Variants in ASCC3 observed in about 807,000 individuals in gnomAD.
ASCC3 encodes the protein activating signal cointegrator 1 complex subunit 3.
A neutral mutation model predicts 256.3 loss-of-function variants in ASCC3; 158 were observed. The ratio of observed to expected loss-of-function variants is 0.62; its 90% confidence interval spans 0.54 to 0.70. The LOEUF (loss-of-function observed/expected upper bound fraction) is 0.70. ASCC3 is among the 30% of genes least tolerant of loss of function. The pLI, the probability that ASCC3 is intolerant of heterozygous loss-of-function variation, is 0.00. For synonymous variants in ASCC3, 948 were observed against 883.4 expected (o/e 1.07, Z -1.30); for missense variants, 2,259 against 2,626.0 (o/e 0.86, Z 3.05).
intron 36 of ASCC3, among the ~76,000 whole-genome samples, chr6:100,552,657 A>T (rs1769357480): frequency 6.6e-6 from 1 of 151,984 alleles, no homozygotes; most frequent in Non-Finnish European, 1.5e-5. Flanking sequence ...TTTCCAGTGC[A>T]CCTCAGTGGA....
intron 11 of ASCC3, among the ~76,000 whole-genome samples, chr6:100,723,902 A>ATATATATATATATAT (rs1233478212): frequency 7.9e-6 from 1 of 126,732 alleles, no homozygotes; most frequent in African/African-American, 2.9e-5. Flanking sequence ...ATATATTTAT[A>ATATATATATATATAT]ATTATATATA....
chr6:100,622,047 A>G (rs936663769), intron 30 of ASCC3, among the ~76,000 whole-genome samples: 1 of 152,092 alleles, frequency 6.6e-6, no homozygotes, highest in Non-Finnish European at 1.5e-5. Context: ...ATGAGAACAC[A>G]TGGACATACG....
At chr6:100,806,396 C>T (rs1269784401) in intron 4 of ASCC3, among the ~76,000 whole-genome samples, 1 of 151,940 alleles carries the variant, frequency 6.6e-6, no homozygotes, top group Non-Finnish European at 1.5e-5. Flanking sequence ...AAGTGCTTTA[C>T]ATAACTTTAT....
In ASCC3 at chr6:100,577,818, C is replaced by T. The variant is rs533841031; in HGVS notation, c.5550+11816G>A. 2.5e-4 allele frequency among the ~76,000 whole-genome samples: 38 copies of T among 151,936 alleles called. 1 individual carries two copies. The highest frequency in any genetic ancestry group is 7.9e-4 in the Admixed American group (12 of 15,220). On this transcript the variant is annotated intron_variant, in intron 36 of 41. Transcript: ENST00000369162. ...AATGTTCATTCTTCTGTATCTTGCC[C>T]TTAGAAAGTGCCTTACACATTGTAG...
At chr6:100,786,220 C>G (rs1158222849) in intron 8 of ASCC3, among the ~76,000 whole-genome samples, 1 of 152,140 alleles carries the variant, frequency 6.6e-6, no homozygotes, top group Non-Finnish European at 1.5e-5. Flanking sequence ...TGTCAGATGT[C>G]ATTCTGAAAC....
At chr6:100,698,739 A>T (rs1485523163) in intron 13 of ASCC3, among the ~76,000 whole-genome samples, 2 of 152,152 alleles carry the variant, frequency 1.3e-5, no homozygotes, top group Non-Finnish European at 2.9e-5. Context: ...AGAGGGAAAA[A>T]AATCCTTAAG....
chr6:100,654,209 A>G (rs576267066), intron 17 of ASCC3, among the ~76,000 whole-genome samples: 62 of 151,966 alleles, frequency 4.1e-4, no homozygotes, highest in Non-Finnish European at 6.5e-4. Flanking sequence ...TTACTAAACC[A>G]TCAAAAATAT....
intron 34 of ASCC3, among the ~76,000 whole-genome samples, chr6:100,591,826 T>C (rs1414166280): frequency 6.6e-6 from 1 of 152,020 alleles, no homozygotes; most frequent in Non-Finnish European, 1.5e-5. Flanking sequence ...TATATATAAC[T>C]GGGATGTCAA....
At chr6:100,753,302 T>C (rs1384210993) in intron 10 of ASCC3, among the ~76,000 whole-genome samples, 1 of 22,572 alleles carries the variant, frequency 4.4e-5, no homozygotes, top group African/African-American at 7.5e-5. Context: ...AAATATTCAA[T>C]AGCAAAACAA....
In ASCC3 at chr6:100,840,095, T is replaced by C; in HGVS notation, c.801+8053A>G. ...AAAAATAGTAATGAATAACCTAAAA[T>C]AGCAGACAATGTGGAAGTGAAAAGA... On this transcript the variant is annotated intron_variant, in intron 4 of 41. Transcript: ENST00000369162. Among the ~76,000 whole-genome samples the C allele has an allele frequency of 1.3e-5, 2 of 152,120 alleles. 1 individual carries two copies. The highest frequency in any genetic ancestry group is 2.9e-5 in the Non-Finnish European group (2 of 68,004).
intron 21 of ASCC3, 141 bp downstream of exon 21, chr6:100,647,085 T>C (rs1338137307): frequency 9.0e-6 from 8 of 885,684 alleles, no homozygotes; most frequent in Admixed American, 2.4e-5. Context: ...CGCTTGATTT[T>C]AGATAAATGA....
intron 26 of ASCC3, 74 bp downstream of exon 26, chr6:100,631,054 T>C (rs1774516475): frequency 9.2e-7 from 1 of 1,092,526 alleles, no homozygotes; most frequent in African/African-American, 1.6e-5. Flanking sequence ...CATTCAACAG[T>C]TTTATTCAAC....
intron 37 of ASCC3, among the ~76,000 whole-genome samples, chr6:100,532,814 T>C (rs7770291): frequency 0.016 from 2,391 of 152,194 alleles, 52 homozygotes; most frequent in African/African-American, 0.055. Flanking sequence ...AAGAATGCAG[T>C]TTTACCAAAA....
intron 37 of ASCC3, among the ~76,000 whole-genome samples, chr6:100,533,351 T>C (rs1157826767): frequency 6.6e-6 from 1 of 152,182 alleles, no homozygotes; most frequent in Non-Finnish European, 1.5e-5. Context: ...TATGATGGCA[T>C]CTTAGAATTA....
intron 10 of ASCC3, among the ~76,000 whole-genome samples, chr6:100,747,112 A>G (rs1355016112): frequency 6.7e-6 from 1 of 149,366 alleles, no homozygotes; most frequent in Non-Finnish European, 1.5e-5. Flanking sequence ...GAATACACAC[A>G]ACACCAAAGA....
chr6:100,512,960 G>C, intron 39 of ASCC3, 42 bp from the exon 40 acceptor site: 2 of 1,542,256 alleles, frequency 1.3e-6, no homozygotes, highest in Non-Finnish European at 1.8e-6. Context: ...AGGAGTTTAT[G>C]TGAAATGCAA....
At chr6:100,855,566 A>G (rs1209261852) in intron 3 of ASCC3, among the ~76,000 whole-genome samples, 1 of 152,188 alleles carries the variant, frequency 6.6e-6, no homozygotes, top group East Asian at 1.9e-4. Context: ...CATAAATATA[A>G]CACCTCTGTC....
chr6:100,509,518 T>C lies in ASCC3; in HGVS notation c.6477A>G (p.Leu2159=), dbSNP rs777777194. The C allele has an allele frequency of 3.1e-6, 5 of 1,612,948 alleles. No individual in the cohort carries two copies. The highest frequency in any genetic ancestry group is 2.7e-5 in the African/African-American group (2 of 75,034). The change falls in exon 42 of 42, where the codon TTA becomes TTG. Residue 2159 remains leucine, a synonymous_variant. Transcript: ENST00000369162. ...PEIPGRYIYT[L]YFMSDCYLGL... ...CAAGGTAGCAGTCACTCATGAAATA[T>C]AATGTGTAGATATACCTAAAATATA...
chr6:100,863,958 C>T (rs866100049), intron 3 of ASCC3, 106 bp downstream of exon 3: 1 of 1,065,622 alleles, frequency 9.4e-7, no homozygotes, highest in Non-Finnish European at 1.3e-6. Context: ...ACTTAGATGC[C>T]AGGAAATTTT....
Sources: gnomAD v4.1 joint callset for allele counts (sites outside exome capture counted in the v4.1 genomes callset) on GRCh38, gnomAD v4.1.1 for gene constraint, MANE v1.5 for transcripts, NCBI Gene and HGNC (gene_info 2026-07-23, HGNC 2026-07-21) for gene names.